The following GDA variants were observed in gnomAD, a reference collection of about 807,000 sequenced individuals.
GDA encodes the protein cytoplasmic PSD-95 interactor.
GDA carries 18 observed loss-of-function variants against 59.6 expected under a neutral mutation model. The ratio of observed to expected loss-of-function variants is 0.30; its 90% CI spans 0.21 to 0.45. The LOEUF (loss-of-function observed/expected upper bound fraction) is 0.45. Among genes scored for constraint, GDA ranks in the 20% least tolerant of loss-of-function variants. The pLI, the probability that GDA is intolerant of heterozygous loss-of-function variation, is 1.00. For synonymous variants in GDA, 201 were observed against 201.1 expected (o/e 1.00, Z 0.00); for missense variants, 427 against 552.3 (o/e 0.77, Z 2.27).
At chr9:72,145,095 C>T (rs1826579283), upstream of GDA, among the ~76,000 whole-genome samples, 1 of 152,134 alleles carries the variant, frequency 6.6e-6, no homozygotes, top group Non-Finnish European at 1.5e-5. Flanking sequence ...ACTCTCTGTA[C>T]CTCATGAAAA....
At chr9:72,125,074 T>C (rs1825798793) in intron 1 of GDA, among the ~76,000 whole-genome samples, 1 of 152,238 alleles carries the variant, frequency 6.6e-6, no homozygotes, top group African/African-American at 2.4e-5. Flanking sequence ...AAGGATTCTT[T>C]ATTAATGGCA....
intron 1 of GDA, among the ~76,000 whole-genome samples, chr9:72,191,325 T>C (rs1270186187): frequency 6.6e-6 from 1 of 152,144 alleles, no homozygotes; most frequent in African/African-American, 2.4e-5. Flanking sequence ...AAAGTGGGAC[T>C]CAGTTATTTT....
intron 1 of GDA, among the ~76,000 whole-genome samples, chr9:72,167,433 A>G (rs919285342): frequency 6.6e-6 from 1 of 152,104 alleles, no homozygotes; most frequent in Non-Finnish European, 1.5e-5. Context: ...CTTCTTATAT[A>G]TTTACCTGAA....
chr9:72,149,720 G>T (rs1159596335), intron 1 of GDA, 38 bp downstream of exon 1: 18 of 1,563,196 alleles, frequency 1.2e-5, no homozygotes, highest in African/African-American at 2.8e-5. Context: ...CCGACGGGCG[G>T]GAGGATAGGT....
At position 72,250,789 on chromosome 9, in the gene GDA, TCCA is replaced by T. The variant is rs759265551; in HGVS notation, c.*2451_*2453del. ...ACTTACCAGCCTCCTCACCCCATCC[TCCA>T]CCATTTCCTTAATGTTCCATGGTAT... On this transcript the variant is annotated 3_prime_UTR_variant, in exon 14 of 14. Coordinates refer to ENST00000358399, the MANE Select transcript of GDA (RefSeq NM_004293.5). The T allele has an allele frequency of 6.2e-7, 1 of 1,609,040 alleles. No individual in the cohort carries two copies. The highest frequency in any genetic ancestry group is 1.1e-5 in the South Asian group (1 of 90,990).
intron 1 of GDA, among the ~76,000 whole-genome samples, chr9:72,121,584 C>G (rs1402084717): frequency 6.6e-6 from 1 of 152,064 alleles, no homozygotes; most frequent in African/African-American, 2.4e-5. Flanking sequence ...GTGACAAGAG[C>G]GAAAGTCAGC....
At chr9:72,124,899 C>T (rs918277183) in intron 1 of GDA, among the ~76,000 whole-genome samples, 1 of 151,942 alleles carries the variant, frequency 6.6e-6, no homozygotes, top group Non-Finnish European at 1.5e-5. Flanking sequence ...TGAGCCATCG[C>T]GCCTGGCCCT....
At chr9:72,215,898 A>G (rs967488529) in intron 5 of GDA, among the ~76,000 whole-genome samples, 2 of 152,260 alleles carry the variant, frequency 1.3e-5, no homozygotes, top group Non-Finnish European at 2.9e-5. Flanking sequence ...TCATAGTGAC[A>G]TCATTTATAG....
intron 1 of GDA, among the ~76,000 whole-genome samples, chr9:72,127,280 T>C (rs1825878437): frequency 6.6e-6 from 1 of 152,062 alleles, no homozygotes; most frequent in South Asian, 2.1e-4. Flanking sequence ...GATGGGAAAA[T>C]AGATCTCTTC....
At chr9:72,214,949 G>GTTCGA in intron 5 of GDA, 2 of 184,150 alleles carry the variant, frequency 1.1e-5, no homozygotes, top group South Asian at 8.5e-5. Context: ...GGCCAGGCTG[G>GTTCGA]TCTTGAACTC....
intron 11 of GDA, among the ~76,000 whole-genome samples, chr9:72,242,630 A>G (rs1472364059): frequency 6.6e-6 from 1 of 152,202 alleles, no homozygotes; most frequent in African/African-American, 2.4e-5. Flanking sequence ...TATGATGAAC[A>G]CCATAAGCAC....
Position 72,251,109 on chromosome 9 carries a change from A to G in GDA, c.*2767A>G. ...CTCCCTTCATGCCAAGGGTCTTTCT[A>G]AGTTAATACTGTGAGCATTGAGCCC... is the stretch of plus-strand genomic sequence containing the variant. On this transcript the variant is annotated 3_prime_UTR_variant, in exon 14 of 14. Transcript: ENST00000358399. 1.1e-5 allele frequency: 4 copies of G among 355,866 alleles called. No individual in the cohort carries two copies. The South Asian group carries it at 1.6e-4, about 14-fold the overall frequency. 22.0% of individuals were successfully genotyped at this position (355,866 alleles called of 1,614,324 possible). A position where few individuals can be genotyped will look rare whatever the true frequency, so the allele number is the denominator to read the frequency against.
intron 1 of GDA, among the ~76,000 whole-genome samples, chr9:72,170,864 G>A (rs539698723): frequency 1.9e-3 from 285 of 152,232 alleles, no homozygotes; most frequent in African/African-American, 6.6e-3. Context: ...CACCTTGGCT[G>A]TAGTGCAGTG....
intron 1 of GDA, among the ~76,000 whole-genome samples, chr9:72,171,058 C>T: frequency 6.6e-6 from 1 of 152,190 alleles, no homozygotes; most frequent in Non-Finnish European, 1.5e-5. Flanking sequence ...CTCTGGCAGT[C>T]CTCCCGCTTC....
intron 1 of GDA, among the ~76,000 whole-genome samples, chr9:72,135,016 C>T (rs1479947949): frequency 6.6e-6 from 1 of 152,140 alleles, no homozygotes; most frequent in Non-Finnish European, 1.5e-5. Flanking sequence ...GTGCAATATT[C>T]CTGTGGAACC....
intron 1 of GDA, among the ~76,000 whole-genome samples, chr9:72,164,292 G>T (rs1053321720): frequency 1.3e-4 from 20 of 152,280 alleles, no homozygotes; most frequent in African/African-American, 4.6e-4. Flanking sequence ...CAACGGGAGG[G>T]TATTGTCATA....
intron 10 of GDA, among the ~76,000 whole-genome samples, chr9:72,239,920 T>C (rs1392093052): frequency 6.6e-6 from 1 of 152,182 alleles, no homozygotes; most frequent in African/African-American, 2.4e-5. Flanking sequence ...GCAATTATTT[T>C]GTTTTGGCAA....
chr9:72,146,122 G>C (rs1826620885), upstream of GDA, among the ~76,000 whole-genome samples: 1 of 145,190 alleles, frequency 6.9e-6, no homozygotes. Context: ...AAGATATCCT[G>C]GATAAAGGTG....
chr9:72,146,495 A>G (rs1826637526), upstream of GDA, among the ~76,000 whole-genome samples: 1 of 151,884 alleles, frequency 6.6e-6, no homozygotes, highest in Non-Finnish European at 1.5e-5. Context: ...AATTTAAAGG[A>G]GTTGCCACCT....
Sources: gnomAD v4.1 joint callset for allele counts (sites outside exome capture counted in the v4.1 genomes callset) on GRCh38, gnomAD v4.1.1 for gene constraint, MANE v1.5 for transcripts, NCBI Gene and HGNC (gene_info 2026-07-23, HGNC 2026-07-21) for gene names.